DENND1A: variants seen among roughly 807,000 people sequenced by gnomAD.
DENND1A encodes DENN domain-containing protein 1A.
In DENND1A, 51 loss-of-function variants were observed where a neutral mutation model predicts 113.7. The ratio of observed to expected loss-of-function variants is 0.45; its 90% CI spans 0.36 to 0.57. The LOEUF (loss-of-function observed/expected upper bound fraction) is 0.57. DENND1A is among the 20% of genes least tolerant of loss of function. The pLI is 0.00. For synonymous variants in DENND1A, 565 were observed against 570.8 expected (o/e 0.99, Z 0.14); for missense variants, 1,258 against 1,395.9 (o/e 0.90, Z 1.57).
At chr9:123,473,303 T>G (rs916377136) in intron 13 of DENND1A, among the ~76,000 whole-genome samples, 1 of 151,350 alleles carries the variant, frequency 6.6e-6, no homozygotes, top group African/African-American at 2.4e-5. Context: ...AAAGAGAGAA[T>G]GTATGTGTGT....
chr9:123,586,148 C>T (rs2059152360), intron 11 of DENND1A, among the ~76,000 whole-genome samples: 1 of 152,068 alleles, frequency 6.6e-6, no homozygotes, highest in Non-Finnish European at 1.5e-5. Flanking sequence ...GAGGACCGTG[C>T]ACCCCAGAAT....
At chr9:123,643,401 G>C (rs1376428274) in intron 9 of DENND1A, among the ~76,000 whole-genome samples, 1 of 152,200 alleles carries the variant, frequency 6.6e-6, no homozygotes, top group Admixed American at 6.5e-5. Flanking sequence ...AAAACAAATA[G>C]ATGTTTCTCA....
At chr9:123,402,745 A>G in intron 21 of DENND1A, 1 of 407,990 alleles carries the variant, frequency 2.5e-6, no homozygotes, top group Admixed American at 2.7e-5. Context: ...GGCTATCTGC[A>G]GCCTTCTGCC....
chr9:123,634,664 T>C (rs2061624568), intron 9 of DENND1A, among the ~76,000 whole-genome samples: 1 of 152,234 alleles, frequency 6.6e-6, no homozygotes, highest in Non-Finnish European at 1.5e-5. Context: ...AAGGAAATGA[T>C]TCTATCAAAA....
chr9:123,400,115 G>A (rs1167764661), intron 21 of DENND1A: 6 of 152,236 alleles, frequency 3.9e-5, no homozygotes, highest in Non-Finnish European at 7.3e-5. Context: ...AAGAGATTTA[G>A]TAACTGAATA....
At chr9:123,571,999 G>T (rs1271205504) in intron 12 of DENND1A, among the ~76,000 whole-genome samples, 1 of 152,096 alleles carries the variant, frequency 6.6e-6, no homozygotes, top group African/African-American at 2.4e-5. Context: ...TTAAAGTCAG[G>T]TTTATTGAGG....
rs12001393 is a variant in DENND1A at position 123,699,994 on chromosome 9, G to T, written c.303-23205C>A. 8.7e-3 allele frequency among the ~76,000 whole-genome samples: 1,327 copies of T among 152,130 alleles called. 20 individuals carry two copies. Among genetic ancestry groups the T allele is most frequent in the African/African-American group, 0.03 (1,246 of 41,518 alleles). On this transcript the variant is annotated intron_variant, in intron 5 of 23. Transcript: ENST00000394215. ...ATTACAGGTGTGAGCCACTATGCCTGCCCTACCCTTTCATTTTTTAACAGA... is the reference window on the plus strand; with the variant it reads ...ATTACAGGTGTGAGCCACTATGCCTTCCCTACCCTTTCATTTTTTAACAGA...
intron 4 of DENND1A, among the ~76,000 whole-genome samples, chr9:123,763,100 G>C (rs373083534): frequency 1.1e-4 from 17 of 150,888 alleles, no homozygotes; most frequent in African/African-American, 3.9e-4. Flanking sequence ...TTTTGGCGGT[G>C]GGGGGAGGCA....
chr9:123,755,466 A>T (rs907976817), intron 5 of DENND1A, among the ~76,000 whole-genome samples: 13 of 151,480 alleles, frequency 8.6e-5, no homozygotes, highest in African/African-American at 3.2e-4. Context: ...TTTTTAAAGT[A>T]AAAGTTATAC....
At chr9:123,507,716 G>A (rs1209440865) in intron 13 of DENND1A, among the ~76,000 whole-genome samples, 3 of 151,246 alleles carry the variant, frequency 2.0e-5, no homozygotes. Context: ...TTAGCCAGGC[G>A]TGGTTGCAGA....
chr9:123,850,960 T>C (rs1843254128), intron 2 of DENND1A, among the ~76,000 whole-genome samples: 1 of 152,014 alleles, frequency 6.6e-6, no homozygotes, highest in African/African-American at 2.4e-5. Flanking sequence ...GCATTTCCAG[T>C]AAAAAATACA....
chr9:123,902,484 G>C (rs1402050722), intron 1 of DENND1A, among the ~76,000 whole-genome samples: 3 of 152,098 alleles, frequency 2.0e-5, no homozygotes, highest in Non-Finnish European at 4.4e-5. Flanking sequence ...TCTGAGAAGG[G>C]GATCTGACCA....
At chr9:123,746,124 T>C (rs2069483590) in intron 5 of DENND1A, among the ~76,000 whole-genome samples, 1 of 152,242 alleles carries the variant, frequency 6.6e-6, no homozygotes, top group Non-Finnish European at 1.5e-5. Flanking sequence ...GTGTGTATAA[T>C]GTGTATATGT....
At chr9:123,664,181 G>T (rs923516638) in intron 8 of DENND1A, among the ~76,000 whole-genome samples, 1 of 152,180 alleles carries the variant, frequency 6.6e-6, no homozygotes, top group Non-Finnish European at 1.5e-5. Flanking sequence ...TACTGTTTAA[G>T]TAATAATTAT....
At chr9:123,876,196 C>T (rs888109931) in intron 2 of DENND1A, among the ~76,000 whole-genome samples, 2 of 152,036 alleles carry the variant, frequency 1.3e-5, no homozygotes, top group African/African-American at 2.4e-5. Context: ...AACAACAGAC[C>T]CAAATTCTTC....
intron 1 of DENND1A, among the ~76,000 whole-genome samples, chr9:123,899,450 C>A (rs371115786): frequency 6.6e-6 from 1 of 152,050 alleles, no homozygotes; most frequent in Non-Finnish European, 1.5e-5. Context: ...GGAAGCTAGA[C>A]AAAGGTGCCA....
intron 2 of DENND1A, among the ~76,000 whole-genome samples, chr9:123,801,150 T>C (rs764052654): frequency 3.3e-5 from 5 of 152,250 alleles, no homozygotes; most frequent in Admixed American, 6.5e-5. Flanking sequence ...GAGACTTTTG[T>C]TGTTGTAGTA....
chr9:123,487,507 G>A (rs758777613), intron 13 of DENND1A, among the ~76,000 whole-genome samples: 2 of 152,196 alleles, frequency 1.3e-5, no homozygotes, highest in Non-Finnish European at 2.9e-5. Flanking sequence ...AGAACCTGAG[G>A]CTACTCTCAG....
chr9:123,836,084 A>G (rs1363254309), intron 2 of DENND1A, among the ~76,000 whole-genome samples: 1 of 152,128 alleles, frequency 6.6e-6, no homozygotes, highest in Non-Finnish European at 1.5e-5. Context: ...GGGACATGGT[A>G]TGTTAAGTTT....
Sources: gnomAD v4.1 joint callset for allele counts (sites outside exome capture counted in the v4.1 genomes callset) on GRCh38, gnomAD v4.1.1 for gene constraint, MANE v1.5 for transcripts, NCBI Gene and HGNC (gene_info 2026-07-23, HGNC 2026-07-21) for gene names.